ABHD2: variants seen among roughly 807,000 people sequenced by gnomAD.
The protein encoded by ABHD2 is monoacylglycerol lipase ABHD2.
ABHD2 carries 20 observed loss-of-function variants against 48.1 expected under a neutral mutation model. The observed-to-expected ratio is 0.42, with a 90% CI of 0.29 to 0.60. The LOEUF (loss-of-function observed/expected upper bound fraction) is 0.60, where lower values mean the gene tolerates loss of function less well. ABHD2 is among the 20% of genes least tolerant of loss of function. The probability of loss-of-function intolerance (pLI) is 0.24; values close to 1 mark genes in which losing one functional copy is unlikely to be tolerated. For synonymous variants in ABHD2, 209 were observed against 214.2 expected, an observed-to-expected ratio of 0.98 and a Z score of 0.21; for missense variants, 405 against 550.9, an observed-to-expected ratio of 0.74 and a Z score of 2.65.
In ABHD2 at chr15:89,151,903, T is replaced by TG. The variant is rs776459940; in HGVS notation, c.370+51_370+52insG. ...GAGCCATCACTCAGAGAAGGAGCAC[T>TG]AGTCAGTGGAGAGCACAGCAGTGTG... On this transcript the variant is annotated intron_variant, in intron 4 of 10. Transcript: ENST00000352732. The surrounding 1 kb of genome is among the most constrained non-coding windows in gnomAD (Gnocchi z 4.7). 1.0e-5 allele frequency: 16 copies of TG among 1,591,716 alleles called. No individual in the cohort carries two copies. The highest frequency in any genetic ancestry group is 1.3e-5 in the African/African-American group (1 of 74,614).
At chr15:89,131,287 T>C (rs1054936367) in intron 3 of ABHD2, among the ~76,000 whole-genome samples, 2 of 152,264 alleles carry the variant, frequency 1.3e-5, no homozygotes, top group African/African-American at 4.8e-5. Context: ...ATGTTCTCTC[T>C]TGACTATGTC....
At chr15:89,122,297 T>G (rs1484999619) in intron 3 of ABHD2, among the ~76,000 whole-genome samples, 1 of 152,232 alleles carries the variant, frequency 6.6e-6, no homozygotes, top group Non-Finnish European at 1.5e-5. Flanking sequence ...CTCTTTTCTT[T>G]ATCACTGGAA....
At chr15:89,071,714 A>G in the ABHD2 span, among the ~76,000 whole-genome samples, 1 of 152,196 alleles carries the variant, frequency 6.6e-6, no homozygotes, top group Non-Finnish European at 1.5e-5. Flanking sequence ...GGCCACTCCC[A>G]GATTCCCTAG....
chr15:89,060,112 C>CA, the ABHD2 span, among the ~76,000 whole-genome samples: 1 of 103,782 alleles, frequency 9.6e-6, no homozygotes, highest in African/African-American at 3.9e-5. Context: ...TTTTTTGAGA[C>CA]AGAGTTTCGC....
intron 3 of ABHD2, among the ~76,000 whole-genome samples, chr15:89,125,999 A>G (rs1377609981): frequency 6.6e-6 from 1 of 152,314 alleles, no homozygotes; most frequent in East Asian, 1.9e-4. Flanking sequence ...TCAGATGGAA[A>G]AAGGCTCATC....
At chr15:89,161,799 T>C (rs551583363) in intron 5 of ABHD2, among the ~76,000 whole-genome samples, 1 of 152,356 alleles carries the variant, frequency 6.6e-6, no homozygotes, top group South Asian at 2.1e-4. Context: ...CTTTGTAAAC[T>C]GTCTTCATTT....
At chr15:89,145,308 G>A (rs775913742) in intron 3 of ABHD2, among the ~76,000 whole-genome samples, 5 of 152,178 alleles carry the variant, frequency 3.3e-5, no homozygotes, top group Non-Finnish European at 7.3e-5. Context: ...TGTGTGCTCA[G>A]ATTTGCTTTT....
intron 1 of ABHD2, among the ~76,000 whole-genome samples, chr15:89,089,058 A>G (rs1901485711): frequency 6.6e-6 from 1 of 152,216 alleles, no homozygotes; most frequent in East Asian, 1.9e-4. Flanking sequence ...CTTTTGACCC[A>G]CTTGGAAGCA....
At chr15:89,144,978 C>A (rs1266435126) in intron 3 of ABHD2, among the ~76,000 whole-genome samples, 1 of 152,144 alleles carries the variant, frequency 6.6e-6, no homozygotes, top group East Asian at 1.9e-4. Context: ...TCCAGTAGGC[C>A]GGGCACAGTG....
rs1259496122 is a variant in ABHD2 at position 89,201,776 on chromosome 15, CG to C, written c.*6354del. 3 of 1,498,136 alleles carry C rather than the reference CG, an allele frequency of 2.0e-6. No individual in the cohort carries two copies. The highest frequency in any genetic ancestry group is 1.9e-6 in the Non-Finnish European group (2 of 1,076,876). 92.8% of individuals were successfully genotyped at this position (1,498,136 alleles called of 1,614,324 possible). On this transcript the variant is annotated 3_prime_UTR_variant, in exon 11 of 11. Transcript: ENST00000352732. ...CGAGGACCAGGATCTGCTCGTGCTTCGCCGTGGCCCCGGAGGCAGACGCCAT... is the reference window on the plus strand; with the variant it reads ...CGAGGACCAGGATCTGCTCGTGCTTCCCGTGGCCCCGGAGGCAGACGCCAT...
chr15:89,188,090 A>G lies in ABHD2; in HGVS notation c.816-103A>G. On this transcript the variant is annotated intron_variant, in intron 7 of 10. Coordinates refer to ENST00000352732, the MANE Select transcript of ABHD2 (RefSeq NM_152924.5). The surrounding 1 kb of genome is among the most constrained non-coding windows in gnomAD (Gnocchi z 4.1). The stretch of plus-strand genomic sequence containing the variant: ...CTAAAGGTTCTATTTCTAACTGACC[A>G]CGTTGGCTCTCCCTCCTGGCTTGCT... 1.2e-6 allele frequency: 1 copy of G among 861,978 alleles called. No individual in the cohort carries two copies. Among genetic ancestry groups the G allele is most frequent in the Non-Finnish European group, 1.9e-6 (1 of 523,364 alleles). 53.4% of individuals were successfully genotyped at this position (861,978 alleles called of 1,614,324 possible). A position where few individuals can be genotyped will look rare whatever the true frequency, so the allele number is the denominator to read the frequency against.
intron 1 of ABHD2, among the ~76,000 whole-genome samples, chr15:89,093,236 A>G (rs141625441): frequency 0.04 from 5,216 of 130,558 alleles, 148 homozygotes; most frequent in Middle Eastern, 0.067. Flanking sequence ...GCTGGAGTGC[A>G]GTGGCGCAAT....
rs1383296988 is a variant in ABHD2 at position 89,191,148 on chromosome 15, G to C, written c.995G>C (p.Arg332Thr). 6.2e-7 allele frequency: 1 copy of C among 1,613,940 alleles called. No individual in the cohort carries two copies. The highest frequency in any genetic ancestry group is 8.5e-7 in the Non-Finnish European group (1 of 1,179,930). The change falls in exon 9 of 11, where the codon AGG (arginine) becomes ACG (threonine). Residue 332 changes from arginine (R) to threonine (T), a missense_variant and splice_region_variant. Coordinates refer to ENST00000352732, the MANE Select transcript of ABHD2 (RefSeq NM_152924.5). ...EEESCMRYLH[R>T]IYVPLMLVNA... is the part of the protein sequence containing the mutation. ...GAAAGTTGCATGCGGTACCTGCACA[G>C]GGTGAGTGGCCATCACGGGCTCAGA... is the stretch of plus-strand genomic sequence containing the variant.
chr15:89,053,605 C>T, the ABHD2 span, among the ~76,000 whole-genome samples: 1 of 152,110 alleles, frequency 6.6e-6, no homozygotes, highest in African/African-American at 2.4e-5. Context: ...AGAAGGTGGA[C>T]ACAGGAGGCA....
chr15:89,053,655 C>G, the ABHD2 span, among the ~76,000 whole-genome samples: 1 of 152,180 alleles, frequency 6.6e-6, no homozygotes, highest in South Asian at 2.1e-4. Flanking sequence ...TGAGGACAGC[C>G]TTCGAGAGGA....
chr15:89,062,326 G>C, the ABHD2 span, among the ~76,000 whole-genome samples: 28 of 151,974 alleles, frequency 1.8e-4, no homozygotes, highest in East Asian at 2.3e-3. Context: ...TAAGACTGGA[G>C]GAAGTTATGG....
chr15:89,148,442 A>G (rs1424637488), intron 3 of ABHD2, among the ~76,000 whole-genome samples: 1 of 152,244 alleles, frequency 6.6e-6, no homozygotes, highest in Non-Finnish European at 1.5e-5. Context: ...TAAAAGATTA[A>G]TAATGCCAAT....
chr15:89,188,319 C>T lies in ABHD2; in HGVS notation c.926+16C>T, dbSNP rs770379924. On this transcript the variant is annotated intron_variant, in intron 8 of 10. Coordinates refer to ENST00000352732, the MANE Select transcript of ABHD2 (RefSeq NM_152924.5). The surrounding 1 kb of genome is among the most constrained non-coding windows in gnomAD (Gnocchi z 4.1). ...ATGTGATGAGGTGTGTCCGCGCAGGCGGGAGAGGGACGCTCTGGGGCAGGG... is the reference window on the plus strand; with the variant it reads ...ATGTGATGAGGTGTGTCCGCGCAGGTGGGAGAGGGACGCTCTGGGGCAGGG... 26 of 1,611,630 alleles carry T rather than the reference C, an allele frequency of 1.6e-5. No individual in the cohort carries two copies. The highest frequency in any genetic ancestry group is 8.3e-5 in the Admixed American group (5 of 59,996).
At chr15:89,101,427 C>G (rs574258448) in intron 1 of ABHD2, among the ~76,000 whole-genome samples, 1 of 152,202 alleles carries the variant, frequency 6.6e-6, no homozygotes, top group African/African-American at 2.4e-5. Flanking sequence ...GGCAATTACT[C>G]ATAAAGGCCT....
Sources: allele counts gnomAD v4.1 joint callset (sites outside exome capture counted in the v4.1 genomes callset), GRCh38; gene constraint gnomAD v4.1.1; non-coding constraint Gnocchi (gnomAD v3.1); transcripts MANE v1.5; gene names NCBI Gene and HGNC (gene_info 2026-07-23, HGNC 2026-07-21).